Variants in STMN2 observed in about 807,000 individuals in gnomAD.
STMN2 encodes the protein stathmin-2.
In STMN2, 2 loss-of-function variants were observed where a neutral mutation model predicts 24.1. That is an observed-to-expected ratio of 0.08 (90% CI 0.03 to 0.26). The LOEUF (loss-of-function observed/expected upper bound fraction) is 0.26, where lower values mean the gene tolerates loss of function less well. STMN2 is among the 10% of genes least tolerant of loss of function. The pLI, the probability that STMN2 is intolerant of heterozygous loss-of-function variation, is 1.00. For missense variants in STMN2, 114 were observed against 213.6 expected, an observed-to-expected ratio of 0.53 and a Z score of 2.91; for synonymous variants, 83 against 77.5, an observed-to-expected ratio of 1.07 and a Z score of -0.37.
chr8:79,620,313 A>T (rs968786456), intron 1 of STMN2, among the ~76,000 whole-genome samples: 29 of 151,646 alleles, frequency 1.9e-4, no homozygotes, highest in Non-Finnish European at 4.1e-4. Context: ...ATTCATGCAA[A>T]ATAAGGTTTA....
chr8:79,662,664 C>T (rs1310508060), intron 4 of STMN2, among the ~76,000 whole-genome samples: 1 of 152,096 alleles, frequency 6.6e-6, no homozygotes, highest in Non-Finnish European at 1.5e-5. Flanking sequence ...TTATCTCAAG[C>T]TCACAAATTA....
chr8:79,633,929 T>C (rs2130341117), intron 1 of STMN2, among the ~76,000 whole-genome samples: 1 of 152,362 alleles, frequency 6.6e-6, no homozygotes, highest in East Asian at 1.9e-4. Flanking sequence ...TTATTGAATT[T>C]AGTTTCCTAA....
At chr8:79,659,576 A>G (rs1806457156) in intron 4 of STMN2, among the ~76,000 whole-genome samples, 1 of 152,214 alleles carries the variant, frequency 6.6e-6, no homozygotes, top group African/African-American at 2.4e-5. Flanking sequence ...TGACCCAATC[A>G]AGAATTGCAG....
rs1001552810 is a variant in STMN2 at position 79,641,288 on chromosome 8, G to A, written c.116-90G>A. The stretch of plus-strand genomic sequence containing the variant: ...TATTCCTATCTCCCGGAATAACAAC[G>A]CTACTTCCAATTGCTGGAATCTAAA... On this transcript the variant is annotated intron_variant, in intron 2 of 4. Coordinates refer to ENST00000220876, the MANE Select transcript of STMN2 (RefSeq NM_007029.4). 65 of 1,389,968 alleles carry A rather than the reference G, an allele frequency of 4.7e-5. No homozygotes were observed. In the East Asian group the frequency reaches 1.2e-3, roughly 26 times the overall value. The allele number at this position is 1,389,968 out of a possible 1,614,324, so 86.1% of individuals were successfully genotyped here.
chr8:79,664,609 A>G (rs1043015840), intron 4 of STMN2, among the ~76,000 whole-genome samples: 2 of 152,194 alleles, frequency 1.3e-5, no homozygotes. Context: ...AAACAAAAAC[A>G]GTGTTAAATA....
At chr8:79,642,155 G>C (rs981034680) in intron 3 of STMN2, among the ~76,000 whole-genome samples, 1 of 152,090 alleles carries the variant, frequency 6.6e-6, no homozygotes, top group African/African-American at 2.4e-5. Context: ...TGAGTTCTTT[G>C]AATATGTTCT....
intron 1 of STMN2, chr8:79,611,896 T>G (rs1585866638): frequency 4.9e-5 from 3 of 60,694 alleles, no homozygotes; most frequent in Non-Finnish European, 5.6e-5. Flanking sequence ...AGGGCGCGGG[T>G]GGGCAGCTGC....
chr8:79,663,970 C>T (rs891730831), intron 4 of STMN2, among the ~76,000 whole-genome samples: 1 of 151,762 alleles, frequency 6.6e-6, no homozygotes, highest in African/African-American at 2.4e-5. Flanking sequence ...CTCTGCTAGG[C>T]CCTGCAAATG....
chr8:79,664,703 A>C, intron 4 of STMN2, 112 bp from the exon 5 acceptor site: 1 of 939,098 alleles, frequency 1.1e-6, no homozygotes, highest in Non-Finnish European at 1.5e-6. Flanking sequence ...TGAAATGGGA[A>C]AAATTCATAA....
rs373760972 is a variant in STMN2, at chr8:79,619,982, A to C, written c.19+8768A>C. Among the ~76,000 whole-genome samples the C allele has an allele frequency of 1.7e-4, 26 of 151,862 alleles. 1 individual carries two copies. In the East Asian group the frequency reaches 1.7e-3, roughly 10 times the overall value. On this transcript the variant is annotated intron_variant, in intron 1 of 4. Coordinates refer to ENST00000220876, the MANE Select transcript of STMN2 (RefSeq NM_007029.4). ...AAAAATTAAATCGCATGATCTATCT[A>C]TATGGGACCTTGTCATTTTTAGAAA...
At chr8:79,635,943 A>G (rs1809938390) in intron 1 of STMN2, among the ~76,000 whole-genome samples, 1 of 152,182 alleles carries the variant, frequency 6.6e-6, no homozygotes, top group South Asian at 2.1e-4. Flanking sequence ...GAGGCTGGAA[A>G]TAGAGGCTCA....
intron 4 of STMN2, 94 bp from the exon 5 acceptor site, chr8:79,664,721 C>T: frequency 1.7e-6 from 2 of 1,182,844 alleles, no homozygotes; most frequent in South Asian, 1.8e-5. Context: ...TAAAAGTAGA[C>T]ACCAAACTGG....
At chr8:79,614,856 G>A (rs1354586667) in intron 1 of STMN2, among the ~76,000 whole-genome samples, 1 of 152,056 alleles carries the variant, frequency 6.6e-6, no homozygotes, top group Non-Finnish European at 1.5e-5. Context: ...ATTACTTTGG[G>A]TTTTTATTTT....
At chr8:79,649,528 G>A (rs1563445452) in intron 3 of STMN2, among the ~76,000 whole-genome samples, 1 of 151,872 alleles carries the variant, frequency 6.6e-6, no homozygotes, top group Non-Finnish European at 1.5e-5. Context: ...ACTTTAGATG[G>A]GTCAATAATG....
At position 79,615,169 on chromosome 8, in the gene STMN2, T is replaced by C. The variant is rs113688043; in HGVS notation, c.19+3955T>C. Among the ~76,000 whole-genome samples, 1,279 of 152,372 alleles carry C rather than the reference T, an allele frequency of 8.4e-3. 20 individuals are homozygous for C. Among genetic ancestry groups the C allele is most frequent in the Non-Finnish European group, 0.013 (856 of 68,026 alleles). ...GAAGTGGAGGATGAATCGATACATATTGAATGGAAGACTTTGTCATTGATA... is the reference window on the plus strand; with the variant it reads ...GAAGTGGAGGATGAATCGATACATACTGAATGGAAGACTTTGTCATTGATA... On this transcript the variant is annotated intron_variant, in intron 1 of 4. Transcript: ENST00000220876.
intron 1 of STMN2, among the ~76,000 whole-genome samples, chr8:79,628,984 G>A (rs1284433128): frequency 6.6e-6 from 1 of 152,176 alleles, no homozygotes; most frequent in Non-Finnish European, 1.5e-5. Context: ...GTCAGGAGAT[G>A]AGTCTACATG....
chr8:79,637,320 A>G (rs568342295), intron 2 of STMN2, among the ~76,000 whole-genome samples: 1 of 152,354 alleles, frequency 6.6e-6, no homozygotes, highest in Admixed American at 6.5e-5. Context: ...TAAAGTTTCT[A>G]TACTTTGTAT....
chr8:79,641,299 T>C (rs1248067519), intron 2 of STMN2, 79 bp from the exon 3 acceptor site: 2 of 1,470,592 alleles, frequency 1.4e-6, no homozygotes, highest in Non-Finnish European at 1.8e-6. Context: ...CTACTTCCAA[T>C]TGCTGGAATC....
At chr8:79,630,183 A>C (rs1450630614) in intron 1 of STMN2, among the ~76,000 whole-genome samples, 1 of 152,168 alleles carries the variant, frequency 6.6e-6, no homozygotes, top group Admixed American at 6.5e-5. Flanking sequence ...GAGTTCATTA[A>C]ATCTGTATTC....
Sources: allele counts gnomAD v4.1 joint callset (sites outside exome capture counted in the v4.1 genomes callset), GRCh38; gene constraint gnomAD v4.1.1; transcripts MANE v1.5; gene names NCBI Gene and HGNC (gene_info 2026-07-23, HGNC 2026-07-21).